ABCC3: variants seen among roughly 807,000 people sequenced by gnomAD.
ABCC3 encodes the protein ATP-binding cassette sub-family C member 3.
A neutral mutation model predicts 165.3 loss-of-function variants in ABCC3; 121 were observed. The ratio of observed to expected loss-of-function variants is 0.73; its 90% CI spans 0.63 to 0.85. The LOEUF (loss-of-function observed/expected upper bound fraction) is 0.85. ABCC3 is among the 40% of genes least tolerant of loss of function. The pLI, the probability that ABCC3 is intolerant of heterozygous loss-of-function variation, is 0.00. For synonymous variants in ABCC3, 733 were observed against 810.1 expected (o/e 0.90, Z 1.62); for missense variants, 1,869 against 1,964.1 (o/e 0.95, Z 0.92).
In ABCC3 at chr17:50,659,234, C is replaced by T; in HGVS notation, c.675-3C>T. On this transcript the variant is annotated splice_polypyrimidine_tract_variant and splice_region_variant and intron_variant, in intron 6 of 30. Transcript: ENST00000285238. ...CTGCCTGCCGGGCTTCACCTCCCCC[C>T]AGGATGGCCATCTATGGCTACCGGC... The T allele has an allele frequency of 2.5e-6, 4 of 1,613,544 alleles. No individual in the cohort carries two copies. Among genetic ancestry groups the T allele is most frequent in the Non-Finnish European group, 2.5e-6 (3 of 1,179,672 alleles).
intron 17 of ABCC3, among the ~76,000 whole-genome samples, chr17:50,670,886 C>T (rs1967633626): frequency 6.6e-6 from 1 of 152,078 alleles, no homozygotes; most frequent in Non-Finnish European, 1.5e-5. Context: ...TTGGCCTTTA[C>T]TCTAAAAAAC....
rs1304500940 is a variant in ABCC3, at chr17:50,676,553, A to C, written c.3343A>C (p.Ile1115Leu). The C allele has an allele frequency of 1.9e-6, 3 of 1,613,156 alleles. No individual in the cohort carries two copies. Among genetic ancestry groups the C allele is most frequent in the Non-Finnish European group, 2.5e-6 (3 of 1,179,712 alleles). The change falls in exon 23 of 31, where the codon ATC becomes CTC. Residue 1115 changes from isoleucine (I) to leucine (L), a missense_variant. Ile to Leu is a conservative substitution (Grantham distance 5). Coordinates refer to ENST00000285238, the MANE Select transcript of ABCC3 (RefSeq NM_003786.4). ...CAGCACGCCGCTCTTCACTGTGGTC[A>C]TCCTGCCCCTGGCTGTGCTCTACAC... ...MASTPLFTVV[I>L]LPLAVLYTLV... is the part of the protein sequence containing the mutation.
chr17:50,641,078 T>C (rs1387311232), intron 1 of ABCC3, among the ~76,000 whole-genome samples: 1 of 152,198 alleles, frequency 6.6e-6, no homozygotes, highest in Non-Finnish European at 1.5e-5. Flanking sequence ...CTGGCAAAGC[T>C]GGGGCAGAGG....
Position 50,684,693 on chromosome 17 carries a change from C to T in ABCC3, c.4114-16C>T. The T allele has an allele frequency of 6.2e-7, 1 of 1,610,562 alleles. No homozygotes were observed. Among genetic ancestry groups the T allele is most frequent in the Non-Finnish European group, 8.5e-7 (1 of 1,178,020 alleles). ...GGCCTAAGCTGCCTCCCTCTGAGGCCACGTTGTATCCCCAGGACCCCATCC... is the reference window on the plus strand; with the variant it reads ...GGCCTAAGCTGCCTCCCTCTGAGGCTACGTTGTATCCCCAGGACCCCATCC... On this transcript the variant is annotated splice_polypyrimidine_tract_variant and intron_variant, in intron 28 of 30. Coordinates refer to ENST00000285238, the MANE Select transcript of ABCC3 (RefSeq NM_003786.4).
intron 1 of ABCC3, among the ~76,000 whole-genome samples, chr17:50,645,227 A>C (rs1336036366): frequency 6.6e-6 from 1 of 150,840 alleles, no homozygotes; most frequent in East Asian, 1.9e-4. Flanking sequence ...GAAAGAAATT[A>C]ACCAGCCGTG....
Position 50,667,538 on chromosome 17 carries a change from C to T in ABCC3, c.1432-16C>T, listed in dbSNP as rs1967549079. ...AGGGAGCAGGTGTGCCACTGACACT[C>T]TTTCTGCCTGCACAGGTAAAGCAAA... is the stretch of plus-strand genomic sequence containing the variant. On this transcript the variant is annotated splice_polypyrimidine_tract_variant and intron_variant, in intron 11 of 30. Transcript: ENST00000285238. 3 of 1,598,798 alleles carry T rather than the reference C, an allele frequency of 1.9e-6. No individual in the cohort carries two copies. The highest frequency in any genetic ancestry group is 2.6e-6 in the Non-Finnish European group (3 of 1,169,104).
chr17:50,638,545 G>T (rs917004920), intron 1 of ABCC3, among the ~76,000 whole-genome samples: 51 of 152,290 alleles, frequency 3.3e-4, no homozygotes, highest in Middle Eastern at 3.4e-3. Context: ...GGGAAGATGC[G>T]GCCAGTGGGG....
chr17:50,687,778 G>A, intron 30 of ABCC3, 48 bp downstream of exon 30: 1 of 1,581,456 alleles, frequency 6.3e-7, no homozygotes. Context: ...GGGCCACCTG[G>A]GGCATCAGGA....
rs142524144 is a variant in ABCC3 at position 50,654,578 on chromosome 17, T to G, written c.46-1254T>G. Among the ~76,000 whole-genome samples the G allele has an allele frequency of 1.2e-3, 188 of 152,280 alleles. 1 individual carries two copies. The highest frequency in any genetic ancestry group is 4.4e-3 in the African/African-American group (184 of 41,558). ...ACTAGGAGAGTTGATCACTCTAGTC[T>G]GTGTAATTTGCAAAGACTCTCCATA... On this transcript the variant is annotated intron_variant, in intron 1 of 30. Transcript: ENST00000285238.
intron 26 of ABCC3, among the ~76,000 whole-genome samples, chr17:50,682,345 TA>T (rs35507460): frequency 0.53 from 69,333 of 131,542 alleles, 18,120 homozygotes; most frequent in Middle Eastern, 0.61. Context: ...CCAAGAGATT[TA>T]AAAAAAAAAA....
intron 26 of ABCC3, among the ~76,000 whole-genome samples, chr17:50,680,553 T>A (rs752814104): frequency 6.6e-6 from 1 of 152,180 alleles, no homozygotes; most frequent in African/African-American, 2.4e-5. Flanking sequence ...CACAGCAGTC[T>A]GCCTTCACTG....
intron 30 of ABCC3, among the ~76,000 whole-genome samples, chr17:50,690,799 G>T (rs1264112457): frequency 1.3e-5 from 2 of 152,256 alleles, no homozygotes; most frequent in East Asian, 1.9e-4. Context: ...ACAGCCTGCT[G>T]AAGTCCTGTG....
intron 1 of ABCC3, among the ~76,000 whole-genome samples, chr17:50,646,197 A>C (rs1437758788): frequency 6.6e-6 from 1 of 152,220 alleles, no homozygotes; most frequent in African/African-American, 2.4e-5. Context: ...TCATTGAGAA[A>C]GAAAGACTTC....
chr17:50,677,122 T>C (rs898387161), intron 23 of ABCC3, among the ~76,000 whole-genome samples: 1 of 152,222 alleles, frequency 6.6e-6, no homozygotes, highest in Non-Finnish European at 1.5e-5. Context: ...CCTCAAGTGA[T>C]CCGCCCACCT....
chr17:50,661,389 C>T (rs991036870), intron 8 of ABCC3, among the ~76,000 whole-genome samples: 67 of 152,344 alleles, frequency 4.4e-4, no homozygotes, highest in East Asian at 1.2e-3. Flanking sequence ...CAATCCTATG[C>T]GGAATTGCCC....
chr17:50,683,702 G>C lies in ABCC3; in HGVS notation c.3900G>C (p.Pro1300=). Residue 1300 remains proline (P), a synonymous_variant, in exon 27 of 31, where the codon CCG becomes CCC. Transcript: ENST00000285238. ...GGAATTATTCTGTGCGCTACCGGCCGGGCCTAGACCTGGTGCTGAGAGACC... is the reference window on the plus strand; with the variant it reads ...GGAATTATTCTGTGCGCTACCGGCCCGGCCTAGACCTGGTGCTGAGAGACC... The part of the protein sequence containing the change: ...EFRNYSVRYR[P]GLDLVLRDLS... 1 of 1,608,400 alleles carries C rather than the reference G, an allele frequency of 6.2e-7. No homozygotes were observed. Among genetic ancestry groups the C allele is most frequent in the Non-Finnish European group, 8.5e-7 (1 of 1,177,616 alleles).
rs35792889 is a variant in ABCC3, at chr17:50,688,902, C to CA, written c.4475+1187dup. 3.2e-3 allele frequency among the ~76,000 whole-genome samples: 416 copies of CA among 130,792 alleles called. 1 individual carries two copies. The highest frequency in any genetic ancestry group is 7.7e-3 in the East Asian group (33 of 4,264). 85.8% of individuals were successfully genotyped at this position (130,792 alleles called of 152,430 possible). A position where few individuals can be genotyped will look rare whatever the true frequency, so the allele number is the denominator to read the frequency against. ...TGAGTGACAGAGTGAGACGTTGTCT[C>CA]AAAAAAAAAAAAAAATGGTGGCCAA... On this transcript the variant is annotated intron_variant, in intron 30 of 30. Transcript: ENST00000285238.
At position 50,673,406 on chromosome 17, in the gene ABCC3, C is replaced by T. The variant is rs147912476; in HGVS notation, c.2410-63C>T. Reference sequence around the variant, plus strand: ...ACACTTCACACTCACTCTGTGGCTCCGTGCCTGTGCCAGGGGTGTGCTGGA... The same window carrying T: ...ACACTTCACACTCACTCTGTGGCTCTGTGCCTGTGCCAGGGGTGTGCTGGA... On this transcript the variant is annotated intron_variant, in intron 18 of 30. Coordinates refer to ENST00000285238, the MANE Select transcript of ABCC3 (RefSeq NM_003786.4). 146 of 1,566,412 alleles carry T rather than the reference C, an allele frequency of 9.3e-5. 1 individual carries two copies. Among genetic ancestry groups the T allele is most frequent in the Middle Eastern group, 8.5e-4 (5 of 5,878 alleles).
intron 17 of ABCC3, 99 bp from the exon 18 acceptor site, chr17:50,672,870 GAA>G (rs376786367): frequency 6.6e-3 from 6,225 of 937,660 alleles, no homozygotes; most frequent in East Asian, 8.8e-3. Flanking sequence ...CCCATCTCAG[GAA>G]AAAAAAAAAA....
Sources: allele counts gnomAD v4.1 joint callset (sites outside exome capture counted in the v4.1 genomes callset), GRCh38; gene constraint gnomAD v4.1.1; transcripts MANE v1.5; gene names NCBI Gene and HGNC (gene_info 2026-07-23, HGNC 2026-07-21).